DGKB: variants seen among roughly 807,000 people sequenced by gnomAD.
The protein encoded by DGKB is diacylglycerol kinase beta, also known as 90 kDa diacylglycerol kinase.
Under a neutral mutation model 114.3 loss-of-function variants are expected in DGKB, and 67 were observed. The ratio of observed to expected loss-of-function variants is 0.59; its 90% CI spans 0.48 to 0.72. The LOEUF (loss-of-function observed/expected upper bound fraction) is 0.72. DGKB is among the 30% of genes least tolerant of loss of function. DGKB has a pLI of 0.00. For missense variants in DGKB, 907 were observed against 975.2 expected, an observed-to-expected ratio of 0.93 and a Z score of 0.93; for synonymous variants, 398 against 323.1, an observed-to-expected ratio of 1.23 and a Z score of -2.49.
At chr7:14,673,698 A>G (rs767630932) in intron 12 of DGKB, among the ~76,000 whole-genome samples, 1 of 152,084 alleles carries the variant, frequency 6.6e-6, no homozygotes, top group East Asian at 1.9e-4. Flanking sequence ...TAACCTGGTC[A>G]TAAGTTTACA....
intron 1 of DGKB, among the ~76,000 whole-genome samples, chr7:14,863,000 G>A (rs1851208733): frequency 6.6e-6 from 1 of 151,720 alleles, no homozygotes; most frequent in Non-Finnish European, 1.5e-5. Context: ...TACTGTAAGA[G>A]GTCACAATAG....
chr7:14,203,808 A>T (rs565934051), intron 23 of DGKB, among the ~76,000 whole-genome samples: 1 of 152,094 alleles, frequency 6.6e-6, no homozygotes, highest in East Asian at 1.9e-4. Context: ...CATGAGATAT[A>T]TTTTGGTGAC....
At chr7:14,515,899 C>T (rs537947105) in intron 20 of DGKB, among the ~76,000 whole-genome samples, 1 of 152,200 alleles carries the variant, frequency 6.6e-6, no homozygotes, top group Admixed American at 6.5e-5. Context: ...GGCTGGAGTG[C>T]AGTGGCAAGC....
At chr7:14,477,733 T>C (rs1405516349) in intron 21 of DGKB, among the ~76,000 whole-genome samples, 1 of 152,168 alleles carries the variant, frequency 6.6e-6, no homozygotes, top group Admixed American at 6.6e-5. Flanking sequence ...TCTTTTGATT[T>C]AGTTTAGGCC....
intron 21 of DGKB, among the ~76,000 whole-genome samples, chr7:14,355,116 A>G (rs1814194467): frequency 6.6e-6 from 1 of 151,974 alleles, no homozygotes; most frequent in Non-Finnish European, 1.5e-5. Flanking sequence ...GCCATTCACC[A>G]GTTGACTTTC....
At chr7:14,763,355 C>G (rs1835988151) in intron 2 of DGKB, among the ~76,000 whole-genome samples, 1 of 152,092 alleles carries the variant, frequency 6.6e-6, no homozygotes, top group Non-Finnish European at 1.5e-5. Context: ...ACTAGTAACA[C>G]TATTAATTAT....
At chr7:14,508,715 A>T (rs568134488) in intron 20 of DGKB, among the ~76,000 whole-genome samples, 1 of 152,154 alleles carries the variant, frequency 6.6e-6, no homozygotes, top group Non-Finnish European at 1.5e-5. Context: ...TCTAGAGGTA[A>T]GGTTGAAAAT....
chr7:14,334,474 AAGG>A (rs1368731606), intron 23 of DGKB, among the ~76,000 whole-genome samples: 5 of 151,934 alleles, frequency 3.3e-5, no homozygotes, highest in African/African-American at 9.7e-5. Context: ...GGAGGAAGAG[AAGG>A]AGGAGAAGTT....
intron 23 of DGKB, among the ~76,000 whole-genome samples, chr7:14,267,490 T>A (rs573664231): frequency 4.7e-5 from 7 of 147,634 alleles, no homozygotes; most frequent in Admixed American, 2.0e-4. Context: ...TTTTTTTTTT[T>A]ATTATTTATT....
intron 2 of DGKB, among the ~76,000 whole-genome samples, chr7:14,827,787 T>C (rs1465631052): frequency 6.6e-6 from 1 of 152,094 alleles, no homozygotes; most frequent in Non-Finnish European, 1.5e-5. Flanking sequence ...TTGTAGACAA[T>C]GATGCATAAG....
chr7:14,406,323 C>G (rs1427794794), intron 21 of DGKB, among the ~76,000 whole-genome samples: 1 of 151,956 alleles, frequency 6.6e-6, no homozygotes. Flanking sequence ...ACAGTAGACC[C>G]TTAAATTCAT....
intron 1 of DGKB, among the ~76,000 whole-genome samples, chr7:14,890,872 G>GAA (rs71548099): frequency 2.3e-4 from 33 of 143,164 alleles, no homozygotes; most frequent in Non-Finnish European, 4.3e-4. Context: ...TGCCACAAAT[G>GAA]AAAAAAAAAA....
intron 21 of DGKB, among the ~76,000 whole-genome samples, chr7:14,375,737 T>C (rs1322013864): frequency 2.0e-5 from 3 of 152,192 alleles, no homozygotes; most frequent in Non-Finnish European, 4.4e-5. Flanking sequence ...CTTCCTGCCA[T>C]CTGAAATGCT....
At chr7:14,276,468 C>T (rs2108514) in intron 23 of DGKB, among the ~76,000 whole-genome samples, 114,858 of 151,958 alleles carry the variant, frequency 0.76, 44,339 homozygotes, top group South Asian at 0.86. Context: ...AAAACATTTC[C>T]GACATAAAGG....
At chr7:14,468,385 C>T (rs1011340106) in intron 21 of DGKB, among the ~76,000 whole-genome samples, 2 of 152,020 alleles carry the variant, frequency 1.3e-5, no homozygotes, top group Non-Finnish European at 1.5e-5. Context: ...CAGGGCTGAA[C>T]ACAAGGGAAC....
chr7:14,326,678 G>A (rs765952207), intron 23 of DGKB, among the ~76,000 whole-genome samples: 4 of 152,104 alleles, frequency 2.6e-5, no homozygotes, highest in Non-Finnish European at 5.9e-5. Context: ...ATAATGATTT[G>A]TTTCTTAGAG....
At chr7:14,356,652 G>GC (rs1277160127) in intron 21 of DGKB, among the ~76,000 whole-genome samples, 1 of 151,912 alleles carries the variant, frequency 6.6e-6, no homozygotes, top group Non-Finnish European at 1.5e-5. Context: ...GAGCCACCAC[G>GC]CCCGGGCTTG....
chr7:14,675,561 G>C (rs1037487640), intron 12 of DGKB, among the ~76,000 whole-genome samples: 1 of 151,740 alleles, frequency 6.6e-6, no homozygotes, highest in Non-Finnish European at 1.5e-5. Context: ...TCAGAGCATA[G>C]GTACTGACAG....
chr7:14,538,112 T>C (rs372627995), intron 20 of DGKB, among the ~76,000 whole-genome samples: 1,743 of 86,574 alleles, frequency 0.02, 47 homozygotes, highest in African/African-American at 0.065. Context: ...AAAAAAAAAA[T>C]GGGACTACAT....
Sources: gnomAD v4.1 joint callset for allele counts (sites outside exome capture counted in the v4.1 genomes callset) on GRCh38, gnomAD v4.1.1 for gene constraint, MANE v1.5 for transcripts, NCBI Gene and HGNC (gene_info 2026-07-23, HGNC 2026-07-21) for gene names.